Variants in CDS2 observed in about 807,000 individuals in gnomAD.
CDS2 encodes the protein phosphatidate cytidylyltransferase 2.
In CDS2, 47 loss-of-function variants were observed where a neutral mutation model predicts 59.0. That is an observed-to-expected ratio of 0.80 (90% CI 0.63 to 1.02). The LOEUF (loss-of-function observed/expected upper bound fraction) is 1.02, where lower values mean the gene tolerates loss of function less well. Among genes scored for constraint, CDS2 ranks in the 50% least tolerant of loss-of-function variants. CDS2 has a pLI of 0.00. For missense variants in CDS2, 356 were observed against 558.9 expected (o/e 0.64, Z 3.66); for synonymous variants, 207 against 206.4 (o/e 1.00, Z -0.02).
chr20:5,183,199 G>A, intron 7 of CDS2, 56 bp downstream of exon 7: 5 of 1,442,054 alleles, frequency 3.5e-6, no homozygotes, highest in Non-Finnish European at 4.9e-6. Flanking sequence ...CTCGTGTACA[G>A]ATACCCCCCT....
intron 1 of CDS2, among the ~76,000 whole-genome samples, chr20:5,171,257 C>A (rs1453516999): frequency 2.0e-5 from 3 of 152,242 alleles, no homozygotes; most frequent in Non-Finnish European, 4.4e-5. Context: ...CCGTTCCTGT[C>A]CTTCCCTGCC....
intron 1 of CDS2, among the ~76,000 whole-genome samples, chr20:5,170,341 C>A (rs1704372242): frequency 6.6e-6 from 1 of 152,210 alleles, no homozygotes; most frequent in Middle Eastern, 3.2e-3. Flanking sequence ...TGCTTCCAGA[C>A]CCTCTGTGGA....
chr20:5,142,233 G>A (rs2090700447), intron 1 of CDS2, among the ~76,000 whole-genome samples: 1 of 152,088 alleles, frequency 6.6e-6, no homozygotes, highest in Non-Finnish European at 1.5e-5. Flanking sequence ...GGTCAATTGA[G>A]GTCAGGAGTT....
At chr20:5,180,268 A>G (rs2091024217) in intron 5 of CDS2, among the ~76,000 whole-genome samples, 6 of 151,592 alleles carry the variant, frequency 4.0e-5, no homozygotes, top group Admixed American at 3.9e-4. Flanking sequence ...CTCTTCTCCC[A>G]GCCCTATGAA....
At chr20:5,158,524 C>T (rs2090851884) in intron 1 of CDS2, among the ~76,000 whole-genome samples, 1 of 152,148 alleles carries the variant, frequency 6.6e-6, no homozygotes, top group Admixed American at 6.5e-5. Context: ...CAAGATTTTT[C>T]ACTTGTTTCC....
At chr20:5,155,297 T>C (rs2090824853) in intron 1 of CDS2, among the ~76,000 whole-genome samples, 1 of 152,250 alleles carries the variant, frequency 6.6e-6, no homozygotes, top group Non-Finnish European at 1.5e-5. Context: ...AAGCCAGTAT[T>C]GCAGGCCTTG....
chr20:5,140,919 A>G (rs888083162), intron 1 of CDS2, among the ~76,000 whole-genome samples: 7 of 152,180 alleles, frequency 4.6e-5, no homozygotes, highest in African/African-American at 1.7e-4. Flanking sequence ...TTAGTAAATA[A>G]GTGTGTGTGT....
chr20:5,171,969 CTG>C (rs1208007764), intron 1 of CDS2, among the ~76,000 whole-genome samples: 1 of 152,188 alleles, frequency 6.6e-6, no homozygotes, highest in East Asian at 1.9e-4. Context: ...GCGAGGCCCT[CTG>C]TGTTGCTAAT....
intron 1 of CDS2, among the ~76,000 whole-genome samples, chr20:5,129,430 C>G (rs377006134): frequency 6.6e-6 from 1 of 151,752 alleles, no homozygotes; most frequent in South Asian, 2.1e-4. Flanking sequence ...GCATCCGCCA[C>G]CACGCTCGGC....
At chr20:5,187,193 G>A (rs78211445) in intron 10 of CDS2, 4,340 of 242,826 alleles carry the variant, frequency 0.018, 111 homozygotes, top group East Asian at 0.07. Flanking sequence ...GCTGTGATAC[G>A]GCGCAAAAGC....
At chr20:5,165,645 C>T (rs2090908288) in intron 1 of CDS2, among the ~76,000 whole-genome samples, 1 of 152,114 alleles carries the variant, frequency 6.6e-6, no homozygotes, top group Admixed American at 6.5e-5. Context: ...ATCTCCTAGG[C>T]TTAGGCGATC....
chr20:5,175,334 G>C lies in CDS2; in HGVS notation c.291+55G>C. The C allele has an allele frequency of 5.0e-6, 7 of 1,412,326 alleles. No individual in the cohort carries two copies. The Admixed American group carries it at 1.0e-4, about 20-fold the overall frequency. 87.5% of individuals were successfully genotyped at this position (1,412,326 alleles called of 1,614,324 possible). On this transcript the variant is annotated intron_variant, in intron 3 of 12. Transcript: ENST00000460006. ...TCCCTTCAGTTTTTGCTGCAGGCCC[G>C]GTTGTCTTAAGTGCGAGGTGTTGGG...
chr20:5,185,061 C>A, intron 8 of CDS2, 116 bp downstream of exon 8: 1 of 736,768 alleles, frequency 1.4e-6, no homozygotes, highest in South Asian at 1.6e-5. Flanking sequence ...GTGGCCATGT[C>A]TTCATGTCTT....
chr20:5,165,546 T>C (rs1338334646), intron 1 of CDS2, among the ~76,000 whole-genome samples: 2 of 117,914 alleles, frequency 1.7e-5, no homozygotes, highest in Non-Finnish European at 3.8e-5. Flanking sequence ...AAGCCGTCTT[T>C]TTTTGTTTTT....
chr20:5,173,407 GGTTCTTAGGCCCT>G, intron 1 of CDS2, 103 bp from the exon 2 acceptor site: 1 of 1,180,322 alleles, frequency 8.5e-7, no homozygotes, highest in Admixed American at 1.9e-5. Flanking sequence ...GACTGTGCCA[GGTTCTTAGGCCCT>G]GTTTGGAGTC....
intron 10 of CDS2, 195 bp downstream of exon 10, chr20:5,187,034 A>C (rs1335158439): frequency 1.5e-5 from 6 of 406,996 alleles, no homozygotes; most frequent in African/African-American, 4.4e-5. Context: ...GATTGTTTAG[A>C]CCAGTGGTTT....
At position 5,190,286 on chromosome 20, in the gene CDS2, C is replaced by G; in HGVS notation, c.*52C>G. 5 of 1,547,372 alleles carry G rather than the reference C, an allele frequency of 3.2e-6. No homozygotes were observed. The highest frequency in any genetic ancestry group is 4.4e-6 in the Non-Finnish European group (5 of 1,137,014). On this transcript the variant is annotated 3_prime_UTR_variant, in exon 13 of 13. Transcript: ENST00000460006. ...AACAGAACTGAGCAGGGGCAGGTCTCCAAGGCAAGCCCAGCTGGTGTGACT... is the reference window on the plus strand; with the variant it reads ...AACAGAACTGAGCAGGGGCAGGTCTGCAAGGCAAGCCCAGCTGGTGTGACT...
chr20:5,173,458 A>G, intron 1 of CDS2, 65 bp from the exon 2 acceptor site: 1 of 1,583,214 alleles, frequency 6.3e-7, no homozygotes, highest in Non-Finnish European at 8.7e-7. Context: ...CATGACAGGC[A>G]TAGACTTCTC....
intron 8 of CDS2, among the ~76,000 whole-genome samples, chr20:5,185,227 C>T (rs970901836): frequency 3.3e-5 from 5 of 152,032 alleles, no homozygotes; most frequent in African/African-American, 1.2e-4. Context: ...TCAAAAGCAG[C>T]CTGGGGAACT....
Sources: allele counts gnomAD v4.1 joint callset (sites outside exome capture counted in the v4.1 genomes callset), GRCh38; gene constraint gnomAD v4.1.1; transcripts MANE v1.5; gene names NCBI Gene and HGNC (gene_info 2026-07-23, HGNC 2026-07-21).